Variants in TNIP3 observed in about 807,000 individuals in gnomAD.
TNIP3 encodes the protein TNFAIP3-interacting protein 3.
Under a neutral mutation model 54.1 loss-of-function variants are expected in TNIP3, and 34 were observed. The observed-to-expected ratio is 0.63, with a 90% CI of 0.48 to 0.84. TNIP3 has a LOEUF of 0.84. Among genes scored for constraint, TNIP3 ranks in the 40% least tolerant of loss-of-function variants. The probability of loss-of-function intolerance (pLI) is 0.00; values close to 1 mark genes in which losing one functional copy is unlikely to be tolerated. For missense variants in TNIP3, 366 were observed against 387.6 expected (o/e 0.94, Z 0.47); for synonymous variants, 134 against 136.8 (o/e 0.98, Z 0.14).
chr4:121,159,374 T>A (rs997975567), intron 2 of TNIP3, among the ~76,000 whole-genome samples: 17 of 152,284 alleles, frequency 1.1e-4, no homozygotes, highest in African/African-American at 4.1e-4. Context: ...TTTCATTTTC[T>A]TTGTTTAATC....
At chr4:121,178,436 C>T (rs149733873) in intron 3 of TNIP3, among the ~76,000 whole-genome samples, 30 of 152,328 alleles carry the variant, frequency 2.0e-4, no homozygotes, top group Admixed American at 9.1e-4. Context: ...AGTCTCTTCA[C>T]CTCAGTCGCA....
intron 3 of TNIP3, among the ~76,000 whole-genome samples, chr4:121,180,419 T>C (rs1346957517): frequency 2.0e-5 from 3 of 151,922 alleles, no homozygotes; most frequent in Non-Finnish European, 2.9e-5. Context: ...AAATTATAGA[T>C]GTCAGAGGAG....
chr4:121,172,283 T>C (rs943579207), intron 3 of TNIP3, among the ~76,000 whole-genome samples: 3 of 152,154 alleles, frequency 2.0e-5, no homozygotes, highest in Non-Finnish European at 4.4e-5. Context: ...AGATTTCCTA[T>C]GTTCCTGGGA....
chr4:121,143,584 C>T (rs1238157316), intron 7 of TNIP3, among the ~76,000 whole-genome samples: 1 of 152,184 alleles, frequency 6.6e-6, no homozygotes, highest in Non-Finnish European at 1.5e-5. Flanking sequence ...ATTCTTGCTG[C>T]TTGTGGTGGT....
Position 121,161,179 on chromosome 4 carries a change from G to T in TNIP3, c.104C>A (p.Ser35Tyr). The change falls in exon 2 of 11, where the codon TCT (serine) becomes TAT (tyrosine). Residue 35 changes from serine (S) to tyrosine (Y), a missense_variant. Transcript: ENST00000057513. The stretch of plus-strand genomic sequence containing the variant: ...CAAACACCTTATCTTTTGTTCAAGA[G>T]AATTCATCAAGTTCTTTCTTGTTGA... ...EPSTRKNLMN[S>Y]LEQKIRCLEK... The T allele has an allele frequency of 3.2e-6, 5 of 1,586,172 alleles. No homozygotes were observed. Among genetic ancestry groups the T allele is most frequent in the Non-Finnish European group, 4.3e-6 (5 of 1,163,660 alleles).
At chr4:121,177,761 G>T (rs1724446645) in intron 3 of TNIP3, among the ~76,000 whole-genome samples, 1 of 152,022 alleles carries the variant, frequency 6.6e-6, no homozygotes, top group East Asian at 1.9e-4. Flanking sequence ...CAGCAAAAAT[G>T]TGAAGGTCTT....
At chr4:121,199,086 T>G (rs775874026) in intron 2 of TNIP3, among the ~76,000 whole-genome samples, 2 of 152,040 alleles carry the variant, frequency 1.3e-5, no homozygotes, top group Non-Finnish European at 2.9e-5. Context: ...TTGAGAAAAC[T>G]CAGATGTGAC....
At chr4:121,180,372 C>T (rs1455346687) in intron 3 of TNIP3, among the ~76,000 whole-genome samples, 1 of 151,974 alleles carries the variant, frequency 6.6e-6, no homozygotes, top group African/African-American at 2.4e-5. Context: ...TGCACTCCAG[C>T]CTGGGCGACA....
intron 1 of TNIP3, among the ~76,000 whole-genome samples, chr4:121,163,086 C>A (rs1730553076): frequency 6.6e-6 from 1 of 152,072 alleles, no homozygotes; most frequent in African/African-American, 2.4e-5. Context: ...CTGCAAGAGG[C>A]TCTATTTGTA....
chr4:121,203,292 A>G (rs1579487953), intron 2 of TNIP3, among the ~76,000 whole-genome samples: 1 of 152,204 alleles, frequency 6.6e-6, no homozygotes, highest in African/African-American at 2.4e-5. Context: ...TCAGCCATAA[A>G]AAGAAACAAA....
chr4:121,204,162 G>A (rs895782691), intron 2 of TNIP3, among the ~76,000 whole-genome samples: 1 of 151,836 alleles, frequency 6.6e-6, no homozygotes, highest in Non-Finnish European at 1.5e-5. Flanking sequence ...TAAATCTTAG[G>A]GCCCAAAATC....
At chr4:121,144,551 G>A (rs1329392727) in intron 7 of TNIP3, among the ~76,000 whole-genome samples, 3 of 152,100 alleles carry the variant, frequency 2.0e-5, no homozygotes. Flanking sequence ...ACAGGCGCGT[G>A]CCACCATGCC....
chr4:121,189,074 G>A (rs978178346), intron 2 of TNIP3, among the ~76,000 whole-genome samples: 1 of 152,140 alleles, frequency 6.6e-6, no homozygotes, highest in African/African-American at 2.4e-5. Flanking sequence ...CATAACCACA[G>A]TCTTAGAAAT....
chr4:121,213,218 A>G (rs1291636489), intron 2 of TNIP3, among the ~76,000 whole-genome samples: 1 of 152,234 alleles, frequency 6.6e-6, no homozygotes, highest in Admixed American at 6.5e-5. Context: ...AGAAGGCATG[A>G]AAAACTGATG....
intron 2 of TNIP3, among the ~76,000 whole-genome samples, chr4:121,202,819 G>A (rs528727178): frequency 9.2e-5 from 14 of 152,118 alleles, no homozygotes; most frequent in African/African-American, 3.4e-4. Context: ...CAGCAAACAT[G>A]AAACAATGCT....
intron 1 of TNIP3, among the ~76,000 whole-genome samples, 162 bp downstream of exon 1, chr4:121,163,898 T>G (rs1352347370): frequency 6.6e-6 from 1 of 152,150 alleles, no homozygotes; most frequent in Non-Finnish European, 1.5e-5. Context: ...ACTTAGATAT[T>G]TTTTTCTATG....
intron 3 of TNIP3, chr4:121,182,578 G>A: frequency 7.3e-7 from 1 of 1,373,076 alleles, no homozygotes; most frequent in Non-Finnish European, 9.8e-7. Context: ...GTACATGACT[G>A]ACGGTAAATG....
intron 3 of TNIP3, among the ~76,000 whole-genome samples, chr4:121,179,785 T>C (rs1356292134): frequency 6.6e-6 from 1 of 151,724 alleles, no homozygotes; most frequent in Non-Finnish European, 1.5e-5. Context: ...TAGTGATTCA[T>C]TCACCAGCAT....
At chr4:121,168,521 C>CTTTTTT (rs35307961), upstream of TNIP3, among the ~76,000 whole-genome samples, 1 of 132,350 alleles carries the variant, frequency 7.6e-6, no homozygotes. Context: ...CTTTTCTTTG[C>CTTTTTT]TTTTTTTTTT....
Sources: allele counts gnomAD v4.1 joint callset (sites outside exome capture counted in the v4.1 genomes callset), GRCh38; gene constraint gnomAD v4.1.1; transcripts MANE v1.5; gene names NCBI Gene and HGNC (gene_info 2026-07-23, HGNC 2026-07-21).